The following EPC1 variants were observed in gnomAD, a reference collection of about 807,000 sequenced individuals.
EPC1 encodes enhancer of polycomb 1, also known as enhancer of polycomb homolog 1.
A neutral mutation model predicts 98.4 loss-of-function variants in EPC1; 12 were observed. The observed-to-expected ratio is 0.12, with a 90% CI of 0.08 to 0.20. The LOEUF (loss-of-function observed/expected upper bound fraction) is 0.20. EPC1 is among the 10% of genes least tolerant of loss of function. EPC1 has a pLI of 1.00. For missense variants in EPC1, 729 were observed against 990.5 expected (o/e 0.74, Z 3.54); for synonymous variants, 357 against 363.9 (o/e 0.98, Z 0.21).
intron 6 of EPC1, 77 bp downstream of exon 6, chr10:32,291,086 T>G: frequency 7.1e-7 from 1 of 1,409,060 alleles, no homozygotes; most frequent in Non-Finnish European, 9.8e-7. Flanking sequence ...CTATGTGTGT[T>G]TTTCTTTTTA....
rs530757097 is a variant in EPC1 at position 32,268,784 on chromosome 10, A to C, written c.*279T>G. The C allele has an allele frequency of 2.4e-5, 3 of 123,428 alleles. No individual in the cohort carries two copies. Among genetic ancestry groups the C allele is most frequent in the African/African-American group, 9.3e-5 (3 of 32,158 alleles). 7.6% of individuals were successfully genotyped at this position (123,428 alleles called of 1,614,324 possible). A position where few individuals can be genotyped will look rare whatever the true frequency, so the allele number is the denominator to read the frequency against. ...CCCACCCCCAAGTGCAAAGCATCACAAATGAACATTTCTGTATTCAAGTAA... is the reference window on the plus strand; with the variant it reads ...CCCACCCCCAAGTGCAAAGCATCACCAATGAACATTTCTGTATTCAAGTAA... On this transcript the variant is annotated 3_prime_UTR_variant, in exon 14 of 14. Coordinates refer to ENST00000319778, the MANE Select transcript of EPC1 (RefSeq NM_001272004.3).
chr10:32,341,116 G>A (rs898513754), intron 1 of EPC1, among the ~76,000 whole-genome samples: 4 of 152,118 alleles, frequency 2.6e-5, no homozygotes, highest in African/African-American at 9.7e-5. Context: ...CTTCTAAGAA[G>A]TACAATCACA....
chr10:32,336,276 G>T (rs573461949), intron 1 of EPC1, among the ~76,000 whole-genome samples: 1 of 142,726 alleles, frequency 7.0e-6, no homozygotes, highest in South Asian at 2.4e-4. Flanking sequence ...CACCATGTTG[G>T]CCAGGCTGGT....
In EPC1 at chr10:32,291,277, C is replaced by T. The variant is rs72789797; in HGVS notation, c.861G>A (p.Met287Ile). The change falls in exon 6 of 14, where the codon ATG (methionine) becomes ATA (isoleucine). Residue 287 changes from methionine (M) to isoleucine (I), a missense_variant. Around this residue, in one of 6 missense-constraint regions of EPC1, gnomAD observed 390 missense variants for 438.6 expected, o/e 0.89. Transcript: ENST00000319778. ...DYNGEIMSEV[M>I]AQRQPMKPTY... Reference sequence around the variant, plus strand: ...TAGGTTTCATTGGCTGTCTCTGTGCCATAACCTCAGACATGATCTCTCCAT... The same window carrying T: ...TAGGTTTCATTGGCTGTCTCTGTGCTATAACCTCAGACATGATCTCTCCAT... The T allele has an allele frequency of 0.059, 94,925 of 1,613,430 alleles. 3,072 individuals carry two copies. Among genetic ancestry groups the T allele is most frequent in the Non-Finnish European group, 0.066 (77,658 of 1,179,464 alleles).
rs185274647 is a variant in EPC1, at chr10:32,324,029, A to G, written c.154-18098T>C. On this transcript the variant is annotated intron_variant, in intron 1 of 13. Transcript: ENST00000319778. ...CGGCTCACTGCAAGCTCCGCCTCCT[A>G]GGTTCACGTCATTCTCCTGCTTCAG... Among the ~76,000 whole-genome samples the G allele has an allele frequency of 6.5e-3, 993 of 152,020 alleles. 18 individuals carry two copies. Among genetic ancestry groups the G allele is most frequent in the African/African-American group, 0.021 (880 of 41,484 alleles).
At chr10:32,338,801 T>C (rs1049241359) in intron 1 of EPC1, among the ~76,000 whole-genome samples, 2 of 151,984 alleles carry the variant, frequency 1.3e-5, no homozygotes, top group East Asian at 1.9e-4. Flanking sequence ...TAAGAACATA[T>C]GGTGGCATCC....
intron 1 of EPC1, among the ~76,000 whole-genome samples, chr10:32,362,021 C>T (rs1839456667): frequency 6.6e-6 from 1 of 152,096 alleles, no homozygotes; most frequent in South Asian, 2.1e-4. Context: ...AGGAAGTTAC[C>T]CTATATGCTC....
chr10:32,361,105 GTGCC>G (rs1839431576), intron 1 of EPC1, among the ~76,000 whole-genome samples: 1 of 152,220 alleles, frequency 6.6e-6, no homozygotes, highest in South Asian at 2.1e-4. Flanking sequence ...AATTGTATTT[GTGCC>G]TGAGCTTCTT....
chr10:32,375,993 A>C (rs995601418), intron 1 of EPC1, among the ~76,000 whole-genome samples: 1 of 152,048 alleles, frequency 6.6e-6, no homozygotes, highest in Non-Finnish European at 1.5e-5. Flanking sequence ...CAAGGAATCA[A>C]GAGCTAAAAT....
chr10:32,319,861 T>G (rs574790410), intron 1 of EPC1, among the ~76,000 whole-genome samples: 17 of 152,154 alleles, frequency 1.1e-4, no homozygotes, highest in Middle Eastern at 3.4e-3. Flanking sequence ...GTATTTTTAG[T>G]AGAGACAGAG....
chr10:32,295,649 C>T lies in EPC1; in HGVS notation c.314-1912G>A, dbSNP rs556182517. Among the ~76,000 whole-genome samples the T allele has an allele frequency of 3.3e-5, 5 of 152,120 alleles. No homozygotes were observed. The South Asian group carries it at 8.3e-4, about 25-fold the overall frequency. On this transcript the variant is annotated intron_variant, in intron 2 of 13. Transcript: ENST00000319778. ...TAAAAACACTTGATATATTTTGTTC[C>T]TAACCAAAATAATGCAGGTCTATGT...
At chr10:32,275,055 A>G (rs1296899580) in intron 10 of EPC1, among the ~76,000 whole-genome samples, 1 of 152,240 alleles carries the variant, frequency 6.6e-6, no homozygotes, top group African/African-American at 2.4e-5. Flanking sequence ...CAAACAAACC[A>G]TTTTTGGAAG....
Position 32,279,212 on chromosome 10 carries a change from G to A in EPC1, c.1744+5486C>T, listed in dbSNP as rs181331959. 6.9e-3 allele frequency among the ~76,000 whole-genome samples: 1,050 copies of A among 152,150 alleles called. 20 individuals carry two copies. Among genetic ancestry groups the A allele is most frequent in the African/African-American group, 0.024 (1,015 of 41,498 alleles). ...AAAAATACAAAAATTAGCCAGGCGT[G>A]GTGGCACGCACCTGTAGTCCCAGCT... is the stretch of plus-strand genomic sequence containing the variant. On this transcript the variant is annotated intron_variant, in intron 10 of 13. Coordinates refer to ENST00000319778, the MANE Select transcript of EPC1 (RefSeq NM_001272004.3).
chr10:32,315,738 C>T (rs1836512065), intron 1 of EPC1, among the ~76,000 whole-genome samples: 2 of 152,190 alleles, frequency 1.3e-5, no homozygotes, highest in South Asian at 2.1e-4. Flanking sequence ...CAAATACCAC[C>T]TAGTTTTTCT....
At chr10:32,305,705 A>C (rs1390251095) in intron 2 of EPC1, 67 bp downstream of exon 2, 4 of 1,367,942 alleles carry the variant, frequency 2.9e-6, no homozygotes, top group Non-Finnish European at 3.9e-6. Context: ...TGAAGAGATA[A>C]AAATCTGTCA....
intron 1 of EPC1, among the ~76,000 whole-genome samples, chr10:32,375,979 T>C (rs2133131574): frequency 6.6e-6 from 1 of 152,106 alleles, no homozygotes; most frequent in South Asian, 2.1e-4. Flanking sequence ...AAAAAAATAA[T>C]GTTCAAGGAA....
chr10:32,280,009 C>A (rs1276951405), intron 10 of EPC1, among the ~76,000 whole-genome samples: 1 of 152,086 alleles, frequency 6.6e-6, no homozygotes, highest in Non-Finnish European at 1.5e-5. Context: ...TCACACAATA[C>A]TCAGGTATTA....
Position 32,316,574 on chromosome 10 carries a change from A to G in EPC1, c.154-10643T>C, listed in dbSNP as rs970970258. Among the ~76,000 whole-genome samples the G allele has an allele frequency of 3.3e-5, 5 of 152,356 alleles. No individual in the cohort carries two copies. The South Asian group carries it at 6.2e-4, about 19-fold the overall frequency. The stretch of plus-strand genomic sequence containing the variant: ...GAGTAAAAATAGCTTCGCACAAAGT[A>G]CATCAATGAAGTTCTCAACTGGCAA... On this transcript the variant is annotated intron_variant, in intron 1 of 13. Transcript: ENST00000319778.
chr10:32,284,965 G>C lies in EPC1; in HGVS notation c.1477C>G (p.Pro493Ala). 6.2e-7 allele frequency: 1 copy of C among 1,614,182 alleles called. No homozygotes were observed. The change falls in exon 10 of 14, where the codon CCA becomes GCA. Residue 493 changes from proline (P) to alanine (A), a missense_variant. Pro to Ala is a conservative substitution (Grantham distance 27). Coordinates refer to ENST00000319778, the MANE Select transcript of EPC1 (RefSeq NM_001272004.3). The stretch of plus-strand genomic sequence containing the variant: ...GAGGTATTGGCAAACTGATTGACTG[G>C]AGAATGTTGTGGTGAGGAAAGCATT... The part of the protein sequence containing the change: ...LEMLSSPQHS[P>A]VNQFANTSET...
Sources: allele counts gnomAD v4.1 joint callset (sites outside exome capture counted in the v4.1 genomes callset), GRCh38; gene constraint gnomAD v4.1.1; regional missense constraint gnomAD v4.1.1; transcripts MANE v1.5; gene names NCBI Gene and HGNC (gene_info 2026-07-23, HGNC 2026-07-21).